Variants in NCAM1 observed in about 807,000 individuals in gnomAD.
NCAM1 encodes the protein antigen recognized by monoclonal antibody 5.1H11.
Under a neutral mutation model 109.8 loss-of-function variants are expected in NCAM1, and 14 were observed. The ratio of observed to expected loss-of-function variants is 0.13; its 90% CI spans 0.08 to 0.20. NCAM1 has a LOEUF of 0.20. Ranked by LOEUF, NCAM1 falls within the 10% of genes least tolerant of loss-of-function variation. NCAM1 has a pLI of 1.00. For synonymous variants in NCAM1, 418 were observed against 442.9 expected, an observed-to-expected ratio of 0.94 and a Z score of 0.70; for missense variants, 774 against 1,109.9, an observed-to-expected ratio of 0.70 and a Z score of 4.30.
At chr11:113,270,881 A>T (rs1946253754) in intron 18 of NCAM1, among the ~76,000 whole-genome samples, 1 of 152,286 alleles carries the variant, frequency 6.6e-6, no homozygotes, top group Middle Eastern at 3.4e-3. Context: ...GTCCTTATGG[A>T]GCTGATGATC....
intron 7 of NCAM1, among the ~76,000 whole-genome samples, chr11:113,210,241 C>T (rs1555113459): frequency 6.6e-6 from 1 of 152,128 alleles, no homozygotes. Context: ...CTATAATGTG[C>T]CAAGCATTCT....
chr11:113,232,853 C>T, intron 12 of NCAM1, 39 bp downstream of exon 12: 2 of 1,530,538 alleles, frequency 1.3e-6, no homozygotes, highest in Non-Finnish European at 1.8e-6. Flanking sequence ...GCTGCCACAA[C>T]CCCCCACCTA....
At chr11:113,031,717 A>G (rs1242060564) in intron 1 of NCAM1, among the ~76,000 whole-genome samples, 2 of 152,066 alleles carry the variant, frequency 1.3e-5, no homozygotes, top group African/African-American at 4.8e-5. Flanking sequence ...AGAAAAAGAA[A>G]AAAGGACACT....
intron 1 of NCAM1, among the ~76,000 whole-genome samples, chr11:113,107,324 T>C (rs782684598): frequency 3.9e-5 from 6 of 152,218 alleles, no homozygotes; most frequent in Non-Finnish European, 8.8e-5. Context: ...TATTAGGTGA[T>C]GAGAATTAAA....
chr11:113,018,182 TA>T (rs11316364), intron 1 of NCAM1, among the ~76,000 whole-genome samples: 120,454 of 151,440 alleles, frequency 0.8, 48,489 homozygotes, highest in Middle Eastern at 0.91. Flanking sequence ...TTAATTGTGG[TA>T]AAAAAAAAAC....
In NCAM1 at chr11:113,263,151, G is replaced by A. The variant is rs1946055693; in HGVS notation, c.2131+2828G>A. 3.3e-6 allele frequency: 4 copies of A among 1,201,248 alleles called. No individual in the cohort carries two copies. In the South Asian group the frequency reaches 1.1e-4, roughly 32 times the overall value. The allele number at this position is 1,201,248 out of a possible 1,614,324, so 74.4% of individuals were successfully genotyped here. The stretch of plus-strand genomic sequence containing the variant: ...TAAGGAGTTTGCCCCCTTTTTAATG[G>A]CAGTAAAAAGAATTTGAGAGCTCTT... On this transcript the variant is annotated intron_variant, in intron 17 of 19. Transcript: ENST00000316851.
intron 1 of NCAM1, among the ~76,000 whole-genome samples, chr11:113,142,901 A>G (rs1293571865): frequency 6.6e-6 from 1 of 152,154 alleles, no homozygotes; most frequent in Non-Finnish European, 1.5e-5. Flanking sequence ...TACAGTGGAT[A>G]CCTATTTACC....
At chr11:113,196,393 A>C in intron 1 of NCAM1, among the ~76,000 whole-genome samples, 1 of 152,188 alleles carries the variant, frequency 6.6e-6, no homozygotes. Flanking sequence ...AGAGAGTAGA[A>C]CTGGGCCACC....
chr11:113,097,428 G>A (rs1939650697), intron 1 of NCAM1, among the ~76,000 whole-genome samples: 1 of 152,142 alleles, frequency 6.6e-6, no homozygotes, highest in African/African-American at 2.4e-5. Context: ...TAAGTTTGTT[G>A]AGTTCAACTG....
chr11:112,997,018 C>T (rs1555071531), intron 1 of NCAM1, among the ~76,000 whole-genome samples: 1 of 152,048 alleles, frequency 6.6e-6, no homozygotes, highest in Non-Finnish European at 1.5e-5. Flanking sequence ...GCAGTGCCTC[C>T]CAACAACAGG....
chr11:113,088,423 T>C (rs17114790), intron 1 of NCAM1, among the ~76,000 whole-genome samples: 7,582 of 152,282 alleles, frequency 0.05, 578 homozygotes, highest in Admixed American at 0.16. Flanking sequence ...ATTTACCCAG[T>C]AGGCTTTATT....
intron 1 of NCAM1, among the ~76,000 whole-genome samples, chr11:112,978,346 G>T (rs1951063663): frequency 6.6e-6 from 1 of 151,738 alleles, no homozygotes; most frequent in Non-Finnish European, 1.5e-5. Flanking sequence ...ACGTGATTCG[G>T]TTAATGCCTG....
At chr11:113,264,653 G>A (rs1343999602) in intron 17 of NCAM1, 3 of 985,514 alleles carry the variant, frequency 3.0e-6, no homozygotes, top group East Asian at 1.1e-4. Context: ...CTGATCCCAG[G>A]ACCACCCACA....
intron 1 of NCAM1, among the ~76,000 whole-genome samples, chr11:113,048,908 G>C (rs1304773733): frequency 6.6e-6 from 1 of 152,196 alleles, no homozygotes; most frequent in African/African-American, 2.4e-5. Flanking sequence ...CAATCCTTCA[G>C]TATTCCTTGA....
chr11:113,166,772 A>G (rs1016620605), intron 1 of NCAM1, among the ~76,000 whole-genome samples: 6 of 149,994 alleles, frequency 4.0e-5, no homozygotes, highest in Non-Finnish European at 8.9e-5. Context: ...ACACACACAC[A>G]AAAAAAAACA....
At chr11:113,249,815 G>A (rs529324679) in intron 15 of NCAM1, among the ~76,000 whole-genome samples, 20 of 152,166 alleles carry the variant, frequency 1.3e-4, no homozygotes, top group Non-Finnish European at 2.2e-4. Flanking sequence ...GTCAGAGCTC[G>A]TTGGTTGCTG....
intron 1 of NCAM1, among the ~76,000 whole-genome samples, chr11:113,028,064 T>A (rs1336780307): frequency 6.6e-6 from 1 of 152,128 alleles, no homozygotes; most frequent in Non-Finnish European, 1.5e-5. Flanking sequence ...GTGGGCAAGC[T>A]GGGAAAAGGT....
At position 112,962,284 on chromosome 11, in the gene NCAM1, T is replaced by C. The variant is rs578183352; in HGVS notation, c.52+620T>C. On this transcript the variant is annotated intron_variant, in intron 1 of 19. Transcript: ENST00000316851. The surrounding 1 kb of genome is among the most constrained non-coding windows in gnomAD (Gnocchi z 5.6). ...GACCGTTGTTGCACCCCAGTCGACATGACGTTAGTTTTTCATTTGCCAAAT... is the reference window on the plus strand; with the variant it reads ...GACCGTTGTTGCACCCCAGTCGACACGACGTTAGTTTTTCATTTGCCAAAT... 4.4e-4 allele frequency among the ~76,000 whole-genome samples: 67 copies of C among 152,300 alleles called. No homozygotes were observed. In the South Asian group the frequency reaches 6.0e-3, roughly 14 times the overall value.
At chr11:113,074,181 AT>A (rs1938422601) in intron 1 of NCAM1, among the ~76,000 whole-genome samples, 1 of 152,248 alleles carries the variant, frequency 6.6e-6, no homozygotes, top group South Asian at 2.1e-4. Context: ...TAAAGTCTCC[AT>A]AACTCCTAAA....
Sources: allele counts gnomAD v4.1 joint callset (sites outside exome capture counted in the v4.1 genomes callset), GRCh38; gene constraint gnomAD v4.1.1; non-coding constraint Gnocchi (gnomAD v3.1); transcripts MANE v1.5; gene names NCBI Gene and HGNC (gene_info 2026-07-23, HGNC 2026-07-21).